FHIT: variants seen among roughly 807,000 people sequenced by gnomAD.
FHIT encodes the protein fragile histidine triad diadenosine triphosphatase, also known as bis(5'-adenosyl)-triphosphatase.
A neutral mutation model predicts 17.9 loss-of-function variants in FHIT; 19 were observed. The observed-to-expected ratio is 1.06, with a 90% confidence interval of 0.74 to 1.56. The LOEUF (loss-of-function observed/expected upper bound fraction) is 1.56, where lower values mean the gene tolerates loss of function less well. Ranked by LOEUF, FHIT falls within the 40% of genes most tolerant of loss-of-function variation. The pLI is 0.00. For missense variants in FHIT, 248 were observed against 189.2 expected (o/e 1.31, Z -1.82); for synonymous variants, 81 against 69.7 (o/e 1.16, Z -0.81).
At position 60,275,354 on chromosome 3, in the gene FHIT, C is replaced by T. The variant is rs531014869; in HGVS notation, c.104-261202G>A. Among the ~76,000 whole-genome samples, 6 of 152,166 alleles carry T rather than the reference C, an allele frequency of 3.9e-5. No homozygotes were observed. The South Asian group carries it at 1.2e-3, about 31-fold the overall frequency. ...AAGACTACTTTGTCTAAACTCTTGT[C>T]CAATTCCAATCATTTCTCTGACTTG... On this transcript the variant is annotated intron_variant, in intron 5 of 9. Coordinates refer to ENST00000492590, the MANE Select transcript of FHIT (RefSeq NM_002012.4).
At chr3:60,776,408 G>C (rs1458707338) in intron 4 of FHIT, among the ~76,000 whole-genome samples, 5 of 152,154 alleles carry the variant, frequency 3.3e-5, no homozygotes, top group Non-Finnish European at 5.9e-5. Context: ...GTACCTTTCA[G>C]TTCACATGAC....
chr3:60,564,283 A>T (rs2037056405), intron 4 of FHIT, among the ~76,000 whole-genome samples: 1 of 152,154 alleles, frequency 6.6e-6, no homozygotes, highest in Non-Finnish European at 1.5e-5. Flanking sequence ...TTCTTTTCCA[A>T]ATATTACTGC....
intron 4 of FHIT, among the ~76,000 whole-genome samples, chr3:60,629,822 C>T (rs782131511): frequency 4.6e-5 from 7 of 152,158 alleles, no homozygotes; most frequent in Admixed American, 6.5e-5. Flanking sequence ...GTCTTTGAAA[C>T]ACAGTGCCCA....
intron 5 of FHIT, among the ~76,000 whole-genome samples, chr3:60,127,233 A>C (rs1705593691): frequency 6.6e-6 from 1 of 152,222 alleles, no homozygotes; most frequent in Admixed American, 6.5e-5. Context: ...TGACAGGCAC[A>C]CAGCTGCACC....
At chr3:60,294,784 C>A (rs1460326502) in intron 5 of FHIT, among the ~76,000 whole-genome samples, 1 of 152,120 alleles carries the variant, frequency 6.6e-6, no homozygotes, top group African/African-American at 2.4e-5. Flanking sequence ...TAAATGGAAT[C>A]ATACAACATA....
chr3:60,957,891 CCTT>C (rs150725077), intron 3 of FHIT, among the ~76,000 whole-genome samples: 3,330 of 152,312 alleles, frequency 0.022, 50 homozygotes, highest in South Asian at 0.07. Context: ...GTCTAATCCT[CCTT>C]CTCTGTTCTT....
intron 4 of FHIT, among the ~76,000 whole-genome samples, chr3:60,566,040 C>G (rs543083896): frequency 7.9e-5 from 12 of 152,132 alleles, no homozygotes; most frequent in Middle Eastern, 6.8e-3. Flanking sequence ...TTCAGGAGCA[C>G]GTTGTTCAGT....
intron 4 of FHIT, among the ~76,000 whole-genome samples, chr3:60,694,290 A>G (rs2041063610): frequency 6.6e-6 from 1 of 152,048 alleles, no homozygotes; most frequent in Non-Finnish European, 1.5e-5. Context: ...GTGAAGCAAC[A>G]TTAAATAAAA....
In FHIT at chr3:60,697,956, C is replaced by A. The variant is rs544894277; in HGVS notation, c.-18+123963G>T. Among the ~76,000 whole-genome samples, 4 of 152,216 alleles carry A rather than the reference C, an allele frequency of 2.6e-5. No homozygotes were observed. In the South Asian group the frequency reaches 6.2e-4, roughly 24 times the overall value. The stretch of plus-strand genomic sequence containing the variant: ...TTTGTTTACACAGTAAAAGAAAAGA[C>A]AATCAAATAGGTAAAATGGATGCTG... On this transcript the variant is annotated intron_variant, in intron 4 of 9. Transcript: ENST00000492590.
intron 5 of FHIT, among the ~76,000 whole-genome samples, chr3:60,453,264 C>T (rs148956276): frequency 2.0e-5 from 3 of 152,024 alleles, no homozygotes; most frequent in East Asian, 1.9e-4. Context: ...CTTGGCTTTG[C>T]CATTTTCTGA....
At chr3:61,138,540 C>A (rs1219847281) in intron 2 of FHIT, among the ~76,000 whole-genome samples, 2 of 152,184 alleles carry the variant, frequency 1.3e-5, no homozygotes, top group African/African-American at 4.8e-5. Context: ...AAGGGAGCTC[C>A]ACACACTGGC....
At chr3:61,135,650 G>A (rs2036895837) in intron 2 of FHIT, among the ~76,000 whole-genome samples, 1 of 151,884 alleles carries the variant, frequency 6.6e-6, no homozygotes, top group South Asian at 2.1e-4. Context: ...GGAATTTCTG[G>A]TTTTACTAGA....
At chr3:60,718,745 T>C (rs1553707380) in intron 4 of FHIT, among the ~76,000 whole-genome samples, 1 of 152,174 alleles carries the variant, frequency 6.6e-6, no homozygotes, top group East Asian at 1.9e-4. Context: ...AGAGAAAAGT[T>C]GGTCATTCTA....
intron 3 of FHIT, among the ~76,000 whole-genome samples, chr3:60,965,577 T>C (rs1242858418): frequency 6.6e-6 from 1 of 152,188 alleles, no homozygotes; most frequent in African/African-American, 2.4e-5. Flanking sequence ...GTTTTATCTA[T>C]CTTTGGTCTT....
At chr3:59,847,994 C>T (rs1701784036) in intron 8 of FHIT, among the ~76,000 whole-genome samples, 1 of 152,186 alleles carries the variant, frequency 6.6e-6, no homozygotes, top group Non-Finnish European at 1.5e-5. Flanking sequence ...GGAGTCACTT[C>T]AGCTAGAGAG....
At chr3:60,898,236 A>T (rs1362205419) in intron 3 of FHIT, among the ~76,000 whole-genome samples, 1 of 152,230 alleles carries the variant, frequency 6.6e-6, no homozygotes, top group African/African-American at 2.4e-5. Context: ...ATGGTATTAT[A>T]CTGTATAAAG....
chr3:60,966,112 G>A (rs1160175257), intron 3 of FHIT, among the ~76,000 whole-genome samples: 8 of 152,102 alleles, frequency 5.3e-5, no homozygotes, highest in Non-Finnish European at 8.8e-5. Context: ...AGGCCGCTTT[G>A]TTTACCCACT....
In FHIT at chr3:60,361,959, G is replaced by A. The variant is rs377035064; in HGVS notation, c.103+174901C>T. On this transcript the variant is annotated intron_variant, in intron 5 of 9. Coordinates refer to ENST00000492590, the MANE Select transcript of FHIT (RefSeq NM_002012.4). Reference sequence around the variant, plus strand: ...TTTTCTCCTTCCTTTCTTAAATCAAGTGACACAAGTCAACTCAAGATGTGC... The same window carrying A: ...TTTTCTCCTTCCTTTCTTAAATCAAATGACACAAGTCAACTCAAGATGTGC... Among the ~76,000 whole-genome samples the A allele has an allele frequency of 7.2e-5, 11 of 152,172 alleles. No individual in the cohort carries two copies. In the South Asian group the frequency reaches 2.1e-3, roughly 29 times the overall value.
At chr3:60,647,376 T>C (rs2039885616) in intron 4 of FHIT, among the ~76,000 whole-genome samples, 1 of 152,174 alleles carries the variant, frequency 6.6e-6, no homozygotes, top group Non-Finnish European at 1.5e-5. Context: ...GCTCCTGCAA[T>C]TCTGAAGGGC....
Sources: allele counts gnomAD v4.1 joint callset (sites outside exome capture counted in the v4.1 genomes callset), GRCh38; gene constraint gnomAD v4.1.1; transcripts MANE v1.5; gene names NCBI Gene and HGNC (gene_info 2026-07-23, HGNC 2026-07-21).